Variants in PDE3A observed in about 807,000 individuals in gnomAD.
The protein encoded by PDE3A is cGMP-inhibited 3',5'-cyclic phosphodiesterase 3A.
Under a neutral mutation model 98.3 loss-of-function variants are expected in PDE3A, and 43 were observed. The observed-to-expected ratio is 0.44, with a 90% CI of 0.34 to 0.56. PDE3A has a LOEUF of 0.56. PDE3A is among the 20% of genes least tolerant of loss of function. The probability of loss-of-function intolerance (pLI) is 0.01; values close to 1 mark genes in which losing one functional copy is unlikely to be tolerated. For missense variants in PDE3A, 1,427 were observed against 1,440.7 expected (o/e 0.99, Z 0.15); for synonymous variants, 663 against 567.9 (o/e 1.17, Z -2.38).
At chr12:20,635,720 A>T (rs1214548888) in intron 8 of PDE3A, among the ~76,000 whole-genome samples, 77 of 145,608 alleles carry the variant, frequency 5.3e-4, no homozygotes, top group Admixed American at 2.9e-3. Context: ...GCCACTGCAC[A>T]CCAGCCTGGG....
intron 1 of PDE3A, among the ~76,000 whole-genome samples, chr12:20,515,952 T>G (rs1456005136): frequency 7.3e-5 from 11 of 150,492 alleles, no homozygotes; most frequent in Non-Finnish European, 5.9e-5. Flanking sequence ...CGGGATGGTC[T>G]CGATCTCCTG....
At chr12:20,547,221 C>T (rs1376745693) in intron 1 of PDE3A, among the ~76,000 whole-genome samples, 4 of 152,046 alleles carry the variant, frequency 2.6e-5, no homozygotes, top group African/African-American at 4.8e-5. Flanking sequence ...TGCTTCCAGC[C>T]CCTACCATCC....
chr12:20,401,378 A>G (rs1166850875), intron 1 of PDE3A, among the ~76,000 whole-genome samples: 1 of 152,142 alleles, frequency 6.6e-6, no homozygotes, highest in Non-Finnish European at 1.5e-5. Flanking sequence ...TTGCCTTTCA[A>G]ATGAAATAAA....
intron 1 of PDE3A, among the ~76,000 whole-genome samples, chr12:20,471,804 G>A (rs1000498208): frequency 6.6e-6 from 1 of 152,018 alleles, no homozygotes; most frequent in East Asian, 1.9e-4. Flanking sequence ...CCTTTCTAAA[G>A]GTTATCTTTC....
intron 1 of PDE3A, among the ~76,000 whole-genome samples, chr12:20,476,630 G>T (rs935382172): frequency 6.6e-6 from 1 of 152,150 alleles, no homozygotes; most frequent in African/African-American, 2.4e-5. Context: ...AATACAGTTG[G>T]CATTGGAGAG....
At chr12:20,666,168 T>C in intron 15 of PDE3A, among the ~76,000 whole-genome samples, 1 of 151,992 alleles carries the variant, frequency 6.6e-6, no homozygotes, top group Non-Finnish European at 1.5e-5. Flanking sequence ...TTTCACCATG[T>C]TGGCCAGGCT....
At chr12:20,513,138 A>G (rs1045074256) in intron 1 of PDE3A, among the ~76,000 whole-genome samples, 2 of 152,094 alleles carry the variant, frequency 1.3e-5, no homozygotes, top group Non-Finnish European at 2.9e-5. Flanking sequence ...CGTGTTTTAC[A>G]TTTTGTCACA....
intron 2 of PDE3A, among the ~76,000 whole-genome samples, chr12:20,581,482 T>C (rs1233315470): frequency 2.0e-5 from 3 of 152,220 alleles, no homozygotes; most frequent in African/African-American, 4.8e-5. Flanking sequence ...TTACTTTTTT[T>C]CTCATGTTAC....
intron 1 of PDE3A, among the ~76,000 whole-genome samples, chr12:20,451,510 G>C (rs1245171260): frequency 6.6e-6 from 1 of 152,104 alleles, no homozygotes; most frequent in Admixed American, 6.6e-5. Flanking sequence ...CTGGCCTCAA[G>C]TGATCCGCCC....
At chr12:20,532,333 T>C (rs1941624352) in intron 1 of PDE3A, among the ~76,000 whole-genome samples, 2 of 135,644 alleles carry the variant, frequency 1.5e-5, no homozygotes, top group African/African-American at 5.5e-5. Flanking sequence ...GTATTTGAAA[T>C]TTATGTAGTT....
intron 1 of PDE3A, among the ~76,000 whole-genome samples, chr12:20,384,975 A>T (rs534842439): frequency 7.9e-5 from 12 of 152,210 alleles, no homozygotes; most frequent in Admixed American, 7.9e-4. Context: ...TATTGTGAAT[A>T]GTACTGCTGT....
At chr12:20,533,478 CT>C (rs10707682) in intron 1 of PDE3A, among the ~76,000 whole-genome samples, 64,762 of 124,418 alleles carry the variant, frequency 0.52, 13,652 homozygotes, top group African/African-American at 0.58. Context: ...GTTTCTTTTT[CT>C]TTTTTTTTTT....
chr12:20,657,577 C>T (rs10770687), intron 15 of PDE3A, among the ~76,000 whole-genome samples: 103,175 of 152,012 alleles, frequency 0.68, 35,237 homozygotes, highest in East Asian at 0.79. Flanking sequence ...CTAAGAGGTT[C>T]CTAATGAAGT....
At chr12:20,466,686 AAATCT>A (rs1565558272) in intron 1 of PDE3A, among the ~76,000 whole-genome samples, 1 of 152,020 alleles carries the variant, frequency 6.6e-6, no homozygotes, top group Non-Finnish European at 1.5e-5. Context: ...TGTTCTAGAG[AAATCT>A]AATGTGAATA....
At chr12:20,443,337 G>A (rs1184347575) in intron 1 of PDE3A, among the ~76,000 whole-genome samples, 1 of 152,122 alleles carries the variant, frequency 6.6e-6, no homozygotes, top group Non-Finnish European at 1.5e-5. Context: ...ATAGGAGCTT[G>A]ACTATCTGCA....
intron 1 of PDE3A, among the ~76,000 whole-genome samples, chr12:20,467,762 C>T (rs552517187): frequency 8.8e-4 from 133 of 151,234 alleles, no homozygotes; most frequent in African/African-American, 3.1e-3. Flanking sequence ...TGGTGAAACC[C>T]CATCTCTACT....
chr12:20,473,360 G>C (rs1054459749), intron 1 of PDE3A, among the ~76,000 whole-genome samples: 28 of 152,118 alleles, frequency 1.8e-4, no homozygotes, highest in African/African-American at 6.3e-4. Context: ...ATCTAATTCA[G>C]TAGATTAGAG....
At chr12:20,425,829 A>C (rs1000489601) in intron 1 of PDE3A, among the ~76,000 whole-genome samples, 1 of 152,178 alleles carries the variant, frequency 6.6e-6, no homozygotes, top group Non-Finnish European at 1.5e-5. Flanking sequence ...TATGAGCCTC[A>C]ATTCTGGAAT....
intron 1 of PDE3A, among the ~76,000 whole-genome samples, chr12:20,485,351 C>T (rs556481257): frequency 2.0e-5 from 3 of 152,200 alleles, no homozygotes; most frequent in African/African-American, 7.2e-5. Context: ...TGGAACCTAG[C>T]CTAATGACTC....
Sources: allele counts gnomAD v4.1 joint callset (sites outside exome capture counted in the v4.1 genomes callset), GRCh38; gene constraint gnomAD v4.1.1; transcripts MANE v1.5; gene names NCBI Gene and HGNC (gene_info 2026-07-23, HGNC 2026-07-21).